The following SCN3A variants were observed in gnomAD, a reference collection of about 807,000 sequenced individuals.
SCN3A encodes the protein sodium channel protein type 3 subunit alpha.
In SCN3A, 60 loss-of-function variants were observed where a neutral mutation model predicts 187.6. The observed-to-expected ratio is 0.32, with a 90% CI of 0.26 to 0.40. The LOEUF (loss-of-function observed/expected upper bound fraction) is 0.40. Among genes scored for constraint, SCN3A ranks in the 10% least tolerant of loss-of-function variants. SCN3A has a pLI of 1.00. For missense variants in SCN3A, 1,601 were observed against 2,428.2 expected, an observed-to-expected ratio of 0.66 and a Z score of 7.16; for synonymous variants, 788 against 829.2, an observed-to-expected ratio of 0.95 and a Z score of 0.85.
chr2:165,164,527 A>G lies in SCN3A; in HGVS notation c.474-7T>C. The G allele has an allele frequency of 6.2e-7, 1 of 1,613,504 alleles. No homozygotes were observed. Among genetic ancestry groups the G allele is most frequent in the East Asian group, 2.2e-5 (1 of 44,798 alleles). ...GATTCCAGTGAATGTGTACCTAGGA[A>G]AAACATCCAAGCCAAAATTAACAAT... is the stretch of plus-strand genomic sequence containing the variant. On this transcript the variant is annotated splice_region_variant and splice_polypyrimidine_tract_variant and intron_variant, in intron 5 of 27. Coordinates refer to ENST00000283254, the MANE Select transcript of SCN3A (RefSeq NM_006922.4).
At chr2:165,179,020 C>T (rs1690658118) in intron 2 of SCN3A, among the ~76,000 whole-genome samples, 1 of 152,104 alleles carries the variant, frequency 6.6e-6, no homozygotes, top group Non-Finnish European at 1.5e-5. Context: ...TGTCTGATAT[C>T]ACCTGCCATG....
Position 165,097,469 on chromosome 2 carries a change from A to T in SCN3A, c.4022T>A (p.Val1341Asp). Residue 1341 changes from valine to aspartate, a missense_variant, in exon 23 of 28, where the codon GTC becomes GAC. Physicochemically the swap from Val to Asp is radical, Grantham distance 152. Around this residue, in one of 11 missense-constraint regions of SCN3A, gnomAD observed 320 missense variants for 623.2 expected, o/e 0.51. Coordinates refer to ENST00000283254, the MANE Select transcript of SCN3A (RefSeq NM_006922.4). Reference protein sequence around the residue: ...AIPSIMNVLLVCLIFWLIFSI... With the variant: ...AIPSIMNVLLDCLIFWLIFSI... The stretch of plus-strand genomic sequence containing the variant: ...AAAGATCAACCAGAAGATGAGACAG[A>T]CCAACAGCACATTCATGATAGAGGG... 1 of 1,614,126 alleles carries T rather than the reference A, an allele frequency of 6.2e-7. No homozygotes were observed. Among genetic ancestry groups the T allele is most frequent in the Non-Finnish European group, 8.5e-7 (1 of 1,179,994 alleles).
At chr2:165,184,481 CAGAAAAAAAAAAAAAAA>C (rs1195263445) in intron 2 of SCN3A, among the ~76,000 whole-genome samples, 3 of 55,894 alleles carry the variant, frequency 5.4e-5, no homozygotes, top group African/African-American at 7.3e-5. Flanking sequence ...CTGTCTAGTT[CAGAAAAAAAAAAAAAAA>C]AGAAAAAAAA....
At chr2:165,176,103 T>G (rs1031686335) in intron 3 of SCN3A, 28 bp downstream of exon 3, 1 of 1,606,016 alleles carries the variant, frequency 6.2e-7, no homozygotes. Context: ...CATTAAAGAT[T>G]TATTAGAAGT....
intron 5 of SCN3A, 32 bp downstream of exon 5, chr2:165,168,704 A>G (rs377036671): frequency 1.4e-6 from 2 of 1,424,004 alleles, no homozygotes; most frequent in East Asian, 4.6e-5. Flanking sequence ...TTGAGTGTGC[A>G]TTTCTCATTC....
Position 165,140,489 on chromosome 2 carries a change from T to A in SCN3A, c.2019+162A>T, listed in dbSNP as rs1453011099. Among the ~76,000 whole-genome samples the A allele has an allele frequency of 6.6e-6, 1 of 152,192 alleles. No individual in the cohort carries two copies. Among genetic ancestry groups the A allele is most frequent in the Non-Finnish European group, 1.5e-5 (1 of 68,034 alleles). On this transcript the variant is annotated intron_variant, in intron 13 of 27. Transcript: ENST00000283254. This position sits in a 1 kb window ranked among gnomAD's most constrained non-coding sequence, Gnocchi z 4.2. ...AGCTAATGGTCCCATACAATTCAATTGATTCTCAATATTCTATTGTTTTCC... is the reference window on the plus strand; with the variant it reads ...AGCTAATGGTCCCATACAATTCAATAGATTCTCAATATTCTATTGTTTTCC...
At chr2:165,175,360 A>G (rs936052221) in intron 3 of SCN3A, among the ~76,000 whole-genome samples, 1 of 152,196 alleles carries the variant, frequency 6.6e-6, no homozygotes, top group Non-Finnish European at 1.5e-5. Context: ...ATAAAATATC[A>G]CCCAGCTAGT....
intron 27 of SCN3A, 78 bp from the exon 28 acceptor site, chr2:165,091,423 G>C (rs1173946522): frequency 5.8e-6 from 9 of 1,544,254 alleles, no homozygotes; most frequent in Non-Finnish European, 8.0e-6. Flanking sequence ...TAAGGTCTAT[G>C]AACACAACAA....
At chr2:165,162,152 A>G (rs918465745) in intron 9 of SCN3A, among the ~76,000 whole-genome samples, 156 bp downstream of exon 9, 8 of 152,226 alleles carry the variant, frequency 5.3e-5, no homozygotes, top group African/African-American at 1.9e-4. Context: ...ACCAGTGGCA[A>G]TCCGGTAAGG....
chr2:165,103,638 G>A (rs1685713810), intron 21 of SCN3A, among the ~76,000 whole-genome samples: 1 of 152,142 alleles, frequency 6.6e-6, no homozygotes, highest in African/African-American at 2.4e-5. Context: ...CATTCTTATG[G>A]CAGCTGAGAC....
At chr2:165,109,838 C>T (rs957689367) in intron 21 of SCN3A, among the ~76,000 whole-genome samples, 24 of 152,232 alleles carry the variant, frequency 1.6e-4, no homozygotes, top group African/African-American at 4.1e-4. Flanking sequence ...CAATAAAATA[C>T]GAACTTCTTG....
At position 165,092,225 on chromosome 2, in the gene SCN3A, A is replaced by G; in HGVS notation, c.4807+29T>C. 6 of 1,609,942 alleles carry G rather than the reference A, an allele frequency of 3.7e-6. No individual in the cohort carries two copies. Among genetic ancestry groups the G allele is most frequent in the Non-Finnish European group, 5.1e-6 (6 of 1,176,290 alleles). On this transcript the variant is annotated intron_variant, in intron 27 of 27. Coordinates refer to ENST00000283254, the MANE Select transcript of SCN3A (RefSeq NM_006922.4). The surrounding 1 kb of genome is among the most constrained non-coding windows in gnomAD (Gnocchi z 4.2). ...CTGGGGCAACTGTTTCTCTGTAACT[A>G]TACCTCTTGGTAATTAAGCTGTTCT... is the stretch of plus-strand genomic sequence containing the variant.
chr2:165,156,053 C>T (rs1356742517), intron 9 of SCN3A, 150 bp from the exon 10 acceptor site: 5 of 860,718 alleles, frequency 5.8e-6, no homozygotes, highest in African/African-American at 1.7e-5. Flanking sequence ...GATTGCCCAC[C>T]GTGAAACTTA....
chr2:165,095,777 A>C, intron 24 of SCN3A, 129 bp from the exon 25 acceptor site: 1 of 544,710 alleles, frequency 1.8e-6, no homozygotes. Context: ...TTGTTCTACA[A>C]AAACAATTTT....
intron 1 of SCN3A, among the ~76,000 whole-genome samples, chr2:165,201,653 G>A (rs1017728956): frequency 2.0e-5 from 3 of 151,938 alleles, no homozygotes; most frequent in African/African-American, 4.8e-5. Flanking sequence ...GGTAATAGTG[G>A]CCATAAAATG....
chr2:165,146,384 G>A (rs13403681), intron 12 of SCN3A, among the ~76,000 whole-genome samples: 31 of 37,570 alleles, frequency 8.3e-4, no homozygotes, highest in East Asian at 1.3e-3. Context: ...ATATATATAT[G>A]TGTGTGTGTG....
intron 8 of SCN3A, 65 bp from the exon 9 acceptor site, chr2:165,162,436 A>G: frequency 6.3e-7 from 1 of 1,597,108 alleles, no homozygotes; most frequent in Non-Finnish European, 8.6e-7. Context: ...TATTAGTAAT[A>G]AATCAGAGTT....
chr2:165,170,416 C>T lies in SCN3A; in HGVS notation c.383+14G>A. 1 of 1,364,048 alleles carries T rather than the reference C, an allele frequency of 7.3e-7. No homozygotes were observed. Among genetic ancestry groups the T allele is most frequent in the Non-Finnish European group, 1.0e-6 (1 of 953,226 alleles). The allele number at this position is 1,364,048 out of a possible 1,614,324, so 84.5% of individuals were successfully genotyped here. A position where few individuals can be genotyped will look rare whatever the true frequency, so the allele number is the denominator to read the frequency against. On this transcript the variant is annotated intron_variant, in intron 4 of 27. Coordinates refer to ENST00000283254, the MANE Select transcript of SCN3A (RefSeq NM_006922.4). ...TTAGAAATAGCATTTAGGCAATTCA[C>T]ATTAAAAGGATATGAATGTACCAAA... is the stretch of plus-strand genomic sequence containing the variant.
At chr2:165,137,452 G>A (rs980645403) in intron 15 of SCN3A, among the ~76,000 whole-genome samples, 2 of 152,046 alleles carry the variant, frequency 1.3e-5, no homozygotes, top group Non-Finnish European at 2.9e-5. Context: ...TTTTTATTAG[G>A]TAGTTAACTT....
Sources: gnomAD v4.1 joint callset for allele counts (sites outside exome capture counted in the v4.1 genomes callset) on GRCh38, gnomAD v4.1.1 for gene constraint, gnomAD v4.1.1 regional missense constraint, Gnocchi (gnomAD v3.1) non-coding constraint, MANE v1.5 for transcripts, NCBI Gene and HGNC (gene_info 2026-07-23, HGNC 2026-07-21) for gene names.